Variants in SGMS1 observed in about 807,000 individuals in gnomAD.
SGMS1 encodes the protein sphingomyelin synthase 1.
A neutral mutation model predicts 46.2 loss-of-function variants in SGMS1; 13 were observed. The ratio of observed to expected loss-of-function variants is 0.28; its 90% confidence interval spans 0.18 to 0.45. SGMS1 has a LOEUF of 0.45. Among genes scored for constraint, SGMS1 ranks in the 20% least tolerant of loss-of-function variants. The probability of loss-of-function intolerance (pLI) is 1.00; values close to 1 mark genes in which losing one functional copy is unlikely to be tolerated. For synonymous variants in SGMS1, 203 were observed against 187.8 expected (o/e 1.08, Z -0.66); for missense variants, 324 against 519.9 (o/e 0.62, Z 3.66).
At position 50,549,450 on chromosome 10, in the gene SGMS1, G is replaced by A. The variant is rs533216199; in HGVS notation, c.-588-29529C>T. Among the ~76,000 whole-genome samples the A allele has an allele frequency of 2.9e-3, 434 of 152,220 alleles. 1 individual carries two copies. The highest frequency in any genetic ancestry group is 6.8e-3 in the Middle Eastern group (2 of 294). ...GCAAACTAACACAGGAATAGAAAAT[G>A]AAACACCACATGTTCTCACTTATAA... On this transcript the variant is annotated intron_variant, in intron 2 of 10. Coordinates refer to ENST00000361781, the MANE Select transcript of SGMS1 (RefSeq NM_147156.4).
At chr10:50,462,732 A>G (rs1837279873) in intron 4 of SGMS1, among the ~76,000 whole-genome samples, 1 of 152,194 alleles carries the variant, frequency 6.6e-6, no homozygotes, top group Admixed American at 6.5e-5. Flanking sequence ...GTTAGTAAAA[A>G]CGAAAAAAGA....
At chr10:50,365,126 T>A (rs1004123442) in intron 6 of SGMS1, among the ~76,000 whole-genome samples, 1 of 151,860 alleles carries the variant, frequency 6.6e-6, no homozygotes, top group Non-Finnish European at 1.5e-5. Flanking sequence ...TAGCCAGGCA[T>A]GGTGGAGCAT....
At chr10:50,579,170 AAAC>A (rs796950564) in intron 2 of SGMS1, among the ~76,000 whole-genome samples, 100 of 152,324 alleles carry the variant, frequency 6.6e-4, no homozygotes, top group African/African-American at 2.2e-3. Flanking sequence ...AATTTTAAAA[AAAC>A]ATTATAACAA....
chr10:50,418,493 C>G (rs1849211760), intron 6 of SGMS1: 1 of 152,258 alleles, frequency 6.6e-6, no homozygotes, highest in Admixed American at 6.5e-5. Flanking sequence ...TCAGCCCGTT[C>G]AGTCCTAACC....
chr10:50,592,753 T>C (rs1838553726), intron 1 of SGMS1, among the ~76,000 whole-genome samples: 1 of 152,182 alleles, frequency 6.6e-6, no homozygotes, highest in African/African-American at 2.4e-5. Context: ...CCCATACTAA[T>C]TGGTAACACA....
chr10:50,594,411 C>T (rs1308975956), intron 1 of SGMS1, among the ~76,000 whole-genome samples: 1 of 152,170 alleles, frequency 6.6e-6, no homozygotes, highest in Non-Finnish European at 1.5e-5. Flanking sequence ...AAGAGTAATT[C>T]ACATGCAACC....
At chr10:50,624,793 G>A (rs971761939), upstream of SGMS1, 2 of 986,278 alleles carry the variant, frequency 2.0e-6, no homozygotes, top group Non-Finnish European at 2.4e-6. Flanking sequence ...TTCCCGCCCC[G>A]ATGCCCGCCG....
intron 2 of SGMS1, among the ~76,000 whole-genome samples, chr10:50,548,989 A>G (rs1407512051): frequency 2.6e-5 from 4 of 152,352 alleles, no homozygotes; most frequent in South Asian, 2.1e-4. Context: ...CAAAACCACA[A>G]TGAGATACCA....
intron 3 of SGMS1, among the ~76,000 whole-genome samples, chr10:50,519,185 A>G (rs1268049964): frequency 6.6e-6 from 1 of 152,246 alleles, no homozygotes; most frequent in African/African-American, 2.4e-5. Context: ...GAGATTATAT[A>G]TACAGACATA....
At chr10:50,531,370 T>C (rs114730091) in intron 2 of SGMS1, among the ~76,000 whole-genome samples, 197 of 146,244 alleles carry the variant, frequency 1.3e-3, no homozygotes, top group Middle Eastern at 7.2e-3. Flanking sequence ...CATACATGTT[T>C]ACTTATTTTT....
chr10:50,420,261 C>T (rs1849237593), intron 6 of SGMS1, among the ~76,000 whole-genome samples: 1 of 152,176 alleles, frequency 6.6e-6, no homozygotes, highest in Admixed American at 6.5e-5. Context: ...ATCTGAGCTC[C>T]CTCTTTTCTC....
At chr10:50,474,912 T>A (rs897083385) in intron 3 of SGMS1, among the ~76,000 whole-genome samples, 2 of 152,210 alleles carry the variant, frequency 1.3e-5, no homozygotes, top group Non-Finnish European at 2.9e-5. Context: ...ATTGGATATA[T>A]AAATATTCTT....
intron 1 of SGMS1, among the ~76,000 whole-genome samples, chr10:50,592,939 C>T (rs1385017519): frequency 1.3e-5 from 2 of 152,206 alleles, no homozygotes; most frequent in African/African-American, 2.4e-5. Flanking sequence ...ATATCCGCCT[C>T]CCAGTATTCA....
intron 5 of SGMS1, among the ~76,000 whole-genome samples, chr10:50,433,943 G>T (rs541336155): frequency 6.6e-6 from 1 of 152,230 alleles, no homozygotes; most frequent in Admixed American, 6.5e-5. Flanking sequence ...TGCCTGGAAG[G>T]ACTAAACGAG....
chr10:50,417,304 C>T (rs1038122232), intron 6 of SGMS1, among the ~76,000 whole-genome samples: 1 of 151,906 alleles, frequency 6.6e-6, no homozygotes, highest in Non-Finnish European at 1.5e-5. Context: ...AATTTAAAAG[C>T]GGTAACTCAA....
intron 2 of SGMS1, among the ~76,000 whole-genome samples, chr10:50,555,750 G>A (rs1197525027): frequency 6.6e-6 from 1 of 152,122 alleles, no homozygotes; most frequent in Admixed American, 6.5e-5. Context: ...CTTCCTGCAT[G>A]GCTAGCTTTT....
chr10:50,519,589 C>T (rs1425678172), intron 3 of SGMS1, among the ~76,000 whole-genome samples: 3 of 152,194 alleles, frequency 2.0e-5, no homozygotes, highest in African/African-American at 7.2e-5. Flanking sequence ...TCTACCACCC[C>T]GGCCCAGATT....
intron 6 of SGMS1, among the ~76,000 whole-genome samples, chr10:50,348,456 A>G (rs1847950971): frequency 6.6e-6 from 1 of 152,226 alleles, no homozygotes; most frequent in South Asian, 2.1e-4. Flanking sequence ...CTGATAAGCA[A>G]CTTCAGCAAA....
At chr10:50,359,691 A>G (rs879870294) in intron 6 of SGMS1, among the ~76,000 whole-genome samples, 3 of 152,042 alleles carry the variant, frequency 2.0e-5, no homozygotes, top group Non-Finnish European at 4.4e-5. Flanking sequence ...GCAAAAAAAA[A>G]AAAACTAGAA....
Sources: gnomAD v4.1 joint callset for allele counts (sites outside exome capture counted in the v4.1 genomes callset) on GRCh38, gnomAD v4.1.1 for gene constraint, MANE v1.5 for transcripts, NCBI Gene and HGNC (gene_info 2026-07-23, HGNC 2026-07-21) for gene names.